Variants in KDM5A observed in about 807,000 individuals in gnomAD.
The protein encoded by KDM5A is lysine-specific demethylase 5A.
Under a neutral mutation model 193.5 loss-of-function variants are expected in KDM5A, and 42 were observed. The observed-to-expected ratio is 0.22, with a 90% confidence interval of 0.17 to 0.28. The LOEUF is 0.28. KDM5A is among the 10% of genes least tolerant of loss of function. KDM5A has a pLI of 1.00. For missense variants in KDM5A, 1,692 were observed against 2,055.1 expected (o/e 0.82, Z 3.42); for synonymous variants, 796 against 718.1 (o/e 1.11, Z -1.73).
At chr12:292,695 C>G in intron 27 of KDM5A, 64 bp downstream of exon 27, 3 of 1,591,578 alleles carry the variant, frequency 1.9e-6, no homozygotes, top group Non-Finnish European at 2.6e-6. Context: ...TGATATCAAA[C>G]ATGTGTCTCC....
intron 12 of KDM5A, 52 bp downstream of exon 12, chr12:333,433 AAG>A: frequency 6.2e-7 from 1 of 1,605,078 alleles, no homozygotes; most frequent in Non-Finnish European, 8.5e-7. Context: ...AAAAAGAAAA[AAG>A]AAAAAACAAA....
intron 19 of KDM5A, 141 bp downstream of exon 19, chr12:317,965 A>T: frequency 1.5e-6 from 1 of 672,280 alleles, no homozygotes; most frequent in Non-Finnish European, 2.6e-6. Flanking sequence ...TACACAACTT[A>T]ACTAATGCTA....
intron 13 of KDM5A, among the ~76,000 whole-genome samples, chr12:330,085 GTA>G (rs1555132314): frequency 9.3e-5 from 13 of 139,322 alleles, no homozygotes; most frequent in African/African-American, 1.6e-4. Context: ...GTGTGTGTGT[GTA>G]TATATATATA....
intron 1 of KDM5A, among the ~76,000 whole-genome samples, chr12:387,000 T>A (rs1400206577): frequency 6.6e-6 from 1 of 151,478 alleles, no homozygotes; most frequent in East Asian, 1.9e-4. Flanking sequence ...CGATTTTTTT[T>A]ATGTTATGTG....
chr12:360,283 A>AT (rs1944278834), intron 5 of KDM5A, among the ~76,000 whole-genome samples: 1 of 152,156 alleles, frequency 6.6e-6, no homozygotes, highest in Non-Finnish European at 1.5e-5. Context: ...TAAAAAAAAA[A>AT]GACAAGATTT....
intron 8 of KDM5A, 68 bp from the exon 9 acceptor site, chr12:352,392 T>G: frequency 7.1e-7 from 1 of 1,417,798 alleles, no homozygotes; most frequent in Non-Finnish European, 1.0e-6. Context: ...AGGCTCTTAG[T>G]TACTAAATTC....
At chr12:311,146 T>G in intron 20 of KDM5A, 82 bp from the exon 21 acceptor site, 1 of 1,202,516 alleles carries the variant, frequency 8.3e-7, no homozygotes, top group Non-Finnish European at 1.2e-6. Context: ...TTACAAAGTT[T>G]AGTGTTAGTT....
intron 17 of KDM5A, chr12:322,138 G>A (rs958869611): frequency 1.6e-5 from 6 of 383,518 alleles, no homozygotes; most frequent in African/African-American, 6.1e-5. Context: ...ACCTGGATAC[G>A]GTGGGAAGAG....
Position 388,784 on chromosome 12 carries a change from C to A in KDM5A, c.165+143G>T, listed in dbSNP as rs967203891. On this transcript the variant is annotated intron_variant, in intron 1 of 27. Coordinates refer to ENST00000399788, the MANE Select transcript of KDM5A (RefSeq NM_001042603.3). ...CATAAGACCACAAAAGAAACCGAGG[C>A]AAAAACATCCAGAAACAGGCTCCAG... 45 of 1,081,650 alleles carry A rather than the reference C, an allele frequency of 4.2e-5. 1 individual carries two copies. In the Admixed American group the frequency reaches 8.1e-4, roughly 19 times the overall value. The allele number at this position is 1,081,650 out of a possible 1,614,324, so 67.0% of individuals were successfully genotyped here.
chr12:355,308 C>A lies in KDM5A; in HGVS notation c.779-59G>T, dbSNP rs1944218611. The A allele has an allele frequency of 3.4e-6, 3 of 888,922 alleles. No homozygotes were observed. In the East Asian group the frequency reaches 7.2e-5, roughly 21 times the overall value. 55.1% of individuals were successfully genotyped at this position (888,922 alleles called of 1,614,324 possible). ...ACCAATGTTGAGAGCTTACTATGGA[C>A]CAGACACTATTTAAAATTATTTAAA... On this transcript the variant is annotated intron_variant, in intron 6 of 27. Transcript: ENST00000399788.
chr12:287,497 C>CAA lies in KDM5A; in HGVS notation c.4867-1837_4867-1836dup, dbSNP rs58615505. On this transcript the variant is annotated intron_variant, in intron 27 of 27. Transcript: ENST00000399788. Reference sequence around the variant, plus strand: ...CTATTGTAGCAAACTAATCAGAGACCAAAAAAAAAAAAAAGGGGGAAATAA... The same window carrying CAA: ...CTATTGTAGCAAACTAATCAGAGACCAAAAAAAAAAAAAAAAGGGGGAAATAA... Among the ~76,000 whole-genome samples the CAA allele has an allele frequency of 3.4e-3, 413 of 121,820 alleles. 2 individuals are homozygous for CAA. The highest frequency in any genetic ancestry group is 5.3e-3 in the African/African-American group (173 of 32,672). 79.9% of individuals were successfully genotyped at this position (121,820 alleles called of 152,430 possible). A position where few individuals can be genotyped will look rare whatever the true frequency, so the allele number is the denominator to read the frequency against.
At chr12:371,620 T>C (rs1451114716) in intron 3 of KDM5A, among the ~76,000 whole-genome samples, 8 of 152,192 alleles carry the variant, frequency 5.3e-5, no homozygotes, top group Non-Finnish European at 2.9e-5. Context: ...TTAGATCCCA[T>C]TTGTCTATTT....
chr12:306,477 T>G (rs552974857), intron 24 of KDM5A, among the ~76,000 whole-genome samples: 2 of 152,206 alleles, frequency 1.3e-5, no homozygotes, highest in African/African-American at 4.8e-5. Flanking sequence ...GCGTGGTGGC[T>G]CAGGCCTGTT....
At chr12:376,162 T>C (rs1944501437) in intron 3 of KDM5A, among the ~76,000 whole-genome samples, 1 of 152,140 alleles carries the variant, frequency 6.6e-6, no homozygotes. Context: ...TGTTTGGCCA[T>C]GCCCTGCCCC....
At chr12:318,519 T>A (rs1291397033) in intron 18 of KDM5A, 58 bp from the exon 19 acceptor site, 2 of 1,304,170 alleles carry the variant, frequency 1.5e-6, no homozygotes, top group South Asian at 1.2e-5. Context: ...TACAAAAGAG[T>A]ATGAAATAGA....
At chr12:318,956 G>A (rs145894655) in intron 18 of KDM5A, among the ~76,000 whole-genome samples, 78 of 152,328 alleles carry the variant, frequency 5.1e-4, no homozygotes, top group African/African-American at 1.7e-3. Context: ...GAGGGTTGGG[G>A]AGGAACTACA....
intron 3 of KDM5A, among the ~76,000 whole-genome samples, chr12:377,302 G>A (rs1368253638): frequency 1.3e-5 from 2 of 151,680 alleles, no homozygotes; most frequent in Non-Finnish European, 1.5e-5. Context: ...AAAAAGAAGA[G>A]AAAAAATAAG....
chr12:345,721 G>A (rs1023893338), intron 10 of KDM5A, among the ~76,000 whole-genome samples: 1 of 152,296 alleles, frequency 6.6e-6, no homozygotes, highest in Admixed American at 6.5e-5. Context: ...AAACAAATGA[G>A]AACAAAAACA....
chr12:372,840 T>C (rs1944448277), intron 3 of KDM5A, among the ~76,000 whole-genome samples: 3 of 152,344 alleles, frequency 2.0e-5, no homozygotes, highest in South Asian at 2.1e-4. Context: ...TCTGCATCTA[T>C]TGAGATAATT....
Sources: allele counts gnomAD v4.1 joint callset (sites outside exome capture counted in the v4.1 genomes callset), GRCh38; gene constraint gnomAD v4.1.1; transcripts MANE v1.5; gene names NCBI Gene and HGNC (gene_info 2026-07-23, HGNC 2026-07-21).